Variants in MAST4 observed in about 807,000 individuals in gnomAD.
MAST4 encodes microtubule associated serine/threonine kinase family member 4, also known as microtubule-associated serine/threonine-protein kinase 4.
MAST4 carries 89 observed loss-of-function variants against 162.7 expected under a neutral mutation model. The ratio of observed to expected loss-of-function variants is 0.55; its 90% confidence interval spans 0.46 to 0.65. MAST4 has a LOEUF of 0.65. Ranked by LOEUF, MAST4 falls within the 30% of genes least tolerant of loss-of-function variation. The pLI is 0.00. For synonymous variants in MAST4, 1,479 were observed against 1,361.1 expected, an observed-to-expected ratio of 1.09 and a Z score of -1.91; for missense variants, 3,153 against 3,374.0, an observed-to-expected ratio of 0.93 and a Z score of 1.62.
intron 10 of MAST4, among the ~76,000 whole-genome samples, chr5:67,106,284 A>G (rs1162351996): frequency 6.6e-6 from 1 of 152,076 alleles, no homozygotes; most frequent in Non-Finnish European, 1.5e-5. Flanking sequence ...TTTCAGAATC[A>G]TGGATCCACC....
intron 1 of MAST4, among the ~76,000 whole-genome samples, chr5:66,749,767 A>T (rs1753019560): frequency 6.6e-6 from 1 of 152,220 alleles, no homozygotes; most frequent in Non-Finnish European, 1.5e-5. Context: ...ACAGGTGCAG[A>T]AATAGTTAAA....
intron 1 of MAST4, among the ~76,000 whole-genome samples, chr5:66,736,273 G>A (rs1268227188): frequency 6.6e-6 from 1 of 151,764 alleles, no homozygotes; most frequent in African/African-American, 2.4e-5. Context: ...GATGCAGAAT[G>A]CCAGGAGATG....
chr5:66,639,278 T>TGTGTGTG (rs1745323495), intron 1 of MAST4, among the ~76,000 whole-genome samples: 1 of 138,624 alleles, frequency 7.2e-6, no homozygotes, highest in Non-Finnish European at 1.6e-5. Flanking sequence ...GAGAGGCAGC[T>TGTGTGTG]TGTGTGTGTG....
intron 3 of MAST4, among the ~76,000 whole-genome samples, chr5:66,811,595 A>G (rs1352844094): frequency 6.6e-6 from 1 of 152,172 alleles, no homozygotes; most frequent in Non-Finnish European, 1.5e-5. Flanking sequence ...GATAGAACAT[A>G]TAATACATTC....
Position 66,654,367 on chromosome 5 carries a change from G to T in MAST4, c.363+57349G>T, listed in dbSNP as rs542814220. 1.6e-4 allele frequency among the ~76,000 whole-genome samples: 25 copies of T among 152,312 alleles called. No homozygotes were observed. In the East Asian group the frequency reaches 4.6e-3, roughly 28 times the overall value. ...AAGTGGTTTGGTTCTAAAGGACTGT[G>T]GTTGCTGTGGAGTAAGTAGATCTCT... On this transcript the variant is annotated intron_variant, in intron 1 of 28. Coordinates refer to ENST00000403625, the MANE Select transcript of MAST4 (RefSeq NM_001164664.2).
At chr5:66,929,838 G>A (rs1741986011) in intron 4 of MAST4, among the ~76,000 whole-genome samples, 1 of 152,170 alleles carries the variant, frequency 6.6e-6, no homozygotes, top group Non-Finnish European at 1.5e-5. Context: ...AAGGATGATG[G>A]AACTGCAAGG....
At chr5:66,632,076 T>A (rs539456741) in intron 1 of MAST4, among the ~76,000 whole-genome samples, 3 of 152,322 alleles carry the variant, frequency 2.0e-5, no homozygotes, top group Non-Finnish European at 4.4e-5. Flanking sequence ...CTCCTTTGGA[T>A]TATTTTCCTG....
In MAST4 at chr5:67,053,597, T is replaced by C. The variant is rs574789160; in HGVS notation, c.675-807T>C. ...AGAAAAGCAAATGAAAATAAGATAA[T>C]ATCCACTTCACCCATCCGCCAGTTT... is the stretch of plus-strand genomic sequence containing the variant. On this transcript the variant is annotated intron_variant, in intron 4 of 28. Transcript: ENST00000403625. Among the ~76,000 whole-genome samples, 66 of 152,344 alleles carry C rather than the reference T, an allele frequency of 4.3e-4. No homozygotes were observed. The South Asian group carries it at 0.013, about 31-fold the overall frequency.
Position 67,166,731 on chromosome 5 carries a change from A to G in MAST4, c.7552A>G (p.Ser2518Gly). 6.3e-7 allele frequency: 1 copy of G among 1,590,976 alleles called. No homozygotes were observed. The highest frequency in any genetic ancestry group is 8.6e-7 in the Non-Finnish European group (1 of 1,169,032). Residue 2518 changes from serine to glycine, a missense_variant, in exon 29 of 29, where the codon AGT becomes GGT. By Grantham distance (56) the Ser-to-Gly change is moderately conservative. Around this residue, in one of 7 missense-constraint regions of MAST4, gnomAD observed 1,644 missense variants for 1,495.0 expected, o/e 1.10. Transcript: ENST00000403625. ...GGAGGGCCGAACCCACATGACAAAG[A>G]GTGACTCCCTGCCCTCCTTCCGGGT... ...AGEGRTHMTK[S>G]DSLPSFRVST...
intron 2 of MAST4, 65 bp from the exon 3 acceptor site, chr5:66,788,605 C>CCCCCAG: frequency 1.2e-5 from 16 of 1,344,506 alleles, no homozygotes; most frequent in East Asian, 2.8e-5. Context: ...CACCCCCACC[C>CCCCCAG]CCATTGCAAT....
chr5:67,040,769 T>C (rs1461164395), intron 4 of MAST4, among the ~76,000 whole-genome samples: 2 of 152,194 alleles, frequency 1.3e-5, no homozygotes, highest in African/African-American at 4.8e-5. Flanking sequence ...AGATATTAAT[T>C]TATAAGTGTA....
chr5:66,874,014 C>G (rs1761123601), intron 3 of MAST4, among the ~76,000 whole-genome samples: 1 of 151,920 alleles, frequency 6.6e-6, no homozygotes, highest in Admixed American at 6.6e-5. Context: ...TTTTCTTTGT[C>G]TTAGAAAGCC....
chr5:66,819,249 A>G (rs968786766), intron 3 of MAST4, among the ~76,000 whole-genome samples: 6 of 152,206 alleles, frequency 3.9e-5, no homozygotes, highest in African/African-American at 1.4e-4. Context: ...AGCCTTCTGC[A>G]TTGCTACCTG....
intron 14 of MAST4, among the ~76,000 whole-genome samples, chr5:67,121,869 A>ATT (rs979210419): frequency 6.8e-6 from 1 of 146,536 alleles, no homozygotes; most frequent in Admixed American, 6.8e-5. Context: ...TAAAAATTTA[A>ATT]TTTTTTTTTT....
chr5:66,715,949 TAATC>T (rs1433346170), intron 1 of MAST4, among the ~76,000 whole-genome samples: 5 of 152,086 alleles, frequency 3.3e-5, no homozygotes, highest in Non-Finnish European at 7.4e-5. Context: ...GTTTTAATGA[TAATC>T]TAGATTAAAT....
In MAST4 at chr5:67,131,931, C is replaced by A; in HGVS notation, c.2073C>A (p.His691Gln). 6.2e-7 allele frequency: 1 copy of A among 1,612,838 alleles called. No homozygotes were observed. Among genetic ancestry groups the A allele is most frequent in the Non-Finnish European group, 8.5e-7 (1 of 1,179,170 alleles). ...LEYLHNYGIVHRDLKPDNLLV... is the reference protein window; with the variant it reads ...LEYLHNYGIVQRDLKPDNLLV... ...ATTTACATAATTATGGAATTGTACA[C>A]AGGGATTTGAAACCAGACAAGTATG... Residue 691 changes from histidine to glutamine, a missense_variant, in exon 16 of 29, where the codon CAC becomes CAA. Physicochemically the swap from His to Gln is conservative, Grantham distance 24. Around this residue, in one of 7 missense-constraint regions of MAST4, gnomAD observed 131 missense variants for 253.8 expected, o/e 0.52. Transcript: ENST00000403625.
At position 66,631,020 on chromosome 5, in the gene MAST4, C is replaced by T. The variant is rs574732755; in HGVS notation, c.363+34002C>T. Among the ~76,000 whole-genome samples the T allele has an allele frequency of 6.6e-5, 10 of 152,284 alleles. No individual in the cohort carries two copies. In the South Asian group the frequency reaches 2.1e-3, roughly 32 times the overall value. The stretch of plus-strand genomic sequence containing the variant: ...TGTATTTTTTAGTTTAAGCCTTGAT[C>T]TGGCTCATACCTTATTTTTATAGTT... On this transcript the variant is annotated intron_variant, in intron 1 of 28. Transcript: ENST00000403625.
At chr5:66,606,059 C>T (rs1742860554) in intron 1 of MAST4, among the ~76,000 whole-genome samples, 1 of 152,138 alleles carries the variant, frequency 6.6e-6, no homozygotes, top group Non-Finnish European at 1.5e-5. Context: ...TTCTGAATCA[C>T]CAGTTTCTGT....
rs574567850 is a variant in MAST4 at position 66,651,347 on chromosome 5, T to C, written c.363+54329T>C. ...CCTAGTGGATTGCTACTTTATCGTT[T>C]GATTTTTTTATACTTTTCCCCCTGA... On this transcript the variant is annotated intron_variant, in intron 1 of 28. Coordinates refer to ENST00000403625, the MANE Select transcript of MAST4 (RefSeq NM_001164664.2). 7.3e-4 allele frequency among the ~76,000 whole-genome samples: 111 copies of C among 152,268 alleles called. 1 individual carries two copies. The South Asian group carries it at 9.3e-3, about 13-fold the overall frequency.
Sources: allele counts gnomAD v4.1 joint callset (sites outside exome capture counted in the v4.1 genomes callset), GRCh38; gene constraint gnomAD v4.1.1; regional missense constraint gnomAD v4.1.1; transcripts MANE v1.5; gene names NCBI Gene and HGNC (gene_info 2026-07-23, HGNC 2026-07-21).